Variants in EYS observed in about 807,000 individuals in gnomAD.
EYS encodes the protein EGF-like photoreceptor maintenance factor, also known as protein eyes shut homolog.
Under a neutral mutation model 282.1 loss-of-function variants are expected in EYS, and 250 were observed. The ratio of observed to expected loss-of-function variants is 0.89; its 90% CI spans 0.80 to 0.98. The LOEUF (loss-of-function observed/expected upper bound fraction) is 0.98. Ranked by LOEUF, EYS falls within the 50% of genes least tolerant of loss-of-function variation. EYS has a pLI of 0.00. For synonymous variants in EYS, 1,355 were observed against 1,282.9 expected (o/e 1.06, Z -1.20); for missense variants, 4,016 against 3,709.0 (o/e 1.08, Z -2.15).
chr6:65,295,075 T>A (rs2150285698), intron 12 of EYS, among the ~76,000 whole-genome samples: 1 of 152,036 alleles, frequency 6.6e-6, no homozygotes, highest in East Asian at 1.9e-4. Flanking sequence ...ATTTTTCATG[T>A]TACGATGAAA....
chr6:64,938,539 C>T (rs1321364398), intron 15 of EYS, among the ~76,000 whole-genome samples: 1 of 151,580 alleles, frequency 6.6e-6, no homozygotes, highest in Non-Finnish European at 1.5e-5. Context: ...CTTGTCTTTA[C>T]AATGGGATAA....
In EYS at chr6:63,913,545, C is replaced by G. The variant is rs915996394; in HGVS notation, c.7056-49187G>C. Reference sequence around the variant, plus strand: ...GCAACTACTCATCTATTTTCTGTCTCTATAGATTTGTCTAATTTGAAAATG... The same window carrying G: ...GCAACTACTCATCTATTTTCTGTCTGTATAGATTTGTCTAATTTGAAAATG... On this transcript the variant is annotated intron_variant, in intron 35 of 42. Coordinates refer to ENST00000503581, the MANE Select transcript of EYS (RefSeq NM_001142800.2). Among the ~76,000 whole-genome samples, 11 of 152,168 alleles carry G rather than the reference C, an allele frequency of 7.2e-5. No individual in the cohort carries two copies. The East Asian group carries it at 2.1e-3, about 29-fold the overall frequency.
chr6:65,591,576 C>A (rs970466855), intron 2 of EYS, among the ~76,000 whole-genome samples: 1 of 152,034 alleles, frequency 6.6e-6, no homozygotes, highest in African/African-American at 2.4e-5. Flanking sequence ...CTCTGACTCA[C>A]TTTTTGAAGC....
intron 1 of EYS, among the ~76,000 whole-genome samples, chr6:65,645,417 A>C (rs1188377383): frequency 6.6e-6 from 1 of 152,140 alleles, no homozygotes; most frequent in East Asian, 1.9e-4. Context: ...AAATTAAATA[A>C]ACTGTTCCTG....
chr6:64,515,690 T>C (rs1213099312), intron 26 of EYS, among the ~76,000 whole-genome samples: 1 of 151,630 alleles, frequency 6.6e-6, no homozygotes, highest in Non-Finnish European at 1.5e-5. Context: ...ACAAAATCTT[T>C]AGGCAATGCT....
chr6:65,113,781 T>C (rs1427012079), intron 12 of EYS, among the ~76,000 whole-genome samples: 1 of 152,068 alleles, frequency 6.6e-6, no homozygotes. Context: ...AATTTTTTCC[T>C]GTAAGTAGCT....
intron 8 of EYS, among the ~76,000 whole-genome samples, chr6:65,356,657 T>C (rs1355235107): frequency 3.9e-5 from 6 of 152,084 alleles, no homozygotes; most frequent in Non-Finnish European, 5.9e-5. Flanking sequence ...TATGAAGATA[T>C]TATAACTTTA....
intron 22 of EYS, among the ~76,000 whole-genome samples, chr6:64,636,128 C>G (rs899537800): frequency 6.6e-6 from 1 of 152,138 alleles, no homozygotes; most frequent in African/African-American, 2.4e-5. Context: ...GCCTGCATCA[C>G]CAAGTCAATC....
chr6:65,379,587 G>T (rs1005071957), intron 8 of EYS, among the ~76,000 whole-genome samples: 27 of 151,826 alleles, frequency 1.8e-4, no homozygotes, highest in Non-Finnish European at 2.4e-4. Flanking sequence ...CACCACTCCT[G>T]TTCAACATAA....
intron 8 of EYS, among the ~76,000 whole-genome samples, chr6:65,382,123 A>T (rs1419596572): frequency 1.3e-5 from 2 of 151,368 alleles, no homozygotes; most frequent in Non-Finnish European, 2.9e-5. Flanking sequence ...AAGTTTTTAA[A>T]CTTAATTAAG....
In EYS at chr6:64,353,535, A is replaced by G. The variant is rs554010561; in HGVS notation, c.6078+35155T>C. ...TTAGGAAAATCTCAAAAGCAAACAA[A>G]TTTTTCCCTCTGGGTTTGTTGATGA... On this transcript the variant is annotated intron_variant, in intron 29 of 42. Transcript: ENST00000503581. 2.6e-5 allele frequency among the ~76,000 whole-genome samples: 4 copies of G among 151,442 alleles called. No individual in the cohort carries two copies. The East Asian group carries it at 7.9e-4, about 30-fold the overall frequency.
chr6:65,686,021 C>T (rs1210406093), intron 1 of EYS, among the ~76,000 whole-genome samples: 1 of 152,030 alleles, frequency 6.6e-6, no homozygotes, highest in Non-Finnish European at 1.5e-5. Flanking sequence ...TTATTTCGAG[C>T]TCTTCCTCAA....
At chr6:64,522,845 G>A (rs1358097062) in intron 26 of EYS, among the ~76,000 whole-genome samples, 2 of 151,800 alleles carry the variant, frequency 1.3e-5, no homozygotes, top group African/African-American at 2.4e-5. Context: ...TGAATGCCAA[G>A]TTCTCCAGGT....
Position 65,332,253 on chromosome 6 carries a change from GC to G in EYS, c.1766+2726del, listed in dbSNP as rs1324969136. ...TTTTTTTCTCCATCTACATTATCAT[GC>G]ATTTTCTTCTTTATTTATTCTATTG... On this transcript the variant is annotated intron_variant, in intron 11 of 42. Transcript: ENST00000503581. 3 of 639,884 alleles carry G rather than the reference GC, an allele frequency of 4.7e-6. No homozygotes were observed. The Admixed American group carries it at 6.9e-5, about 15-fold the overall frequency. 39.6% of individuals were successfully genotyped at this position (639,884 alleles called of 1,614,324 possible).
At chr6:63,844,812 C>A (rs1167694260) in intron 36 of EYS, among the ~76,000 whole-genome samples, 1 of 152,024 alleles carries the variant, frequency 6.6e-6, no homozygotes, top group African/African-American at 2.4e-5. Flanking sequence ...TGTAGGTTGC[C>A]TGTTCACTCT....
chr6:64,797,426 G>C (rs76643324), intron 22 of EYS, among the ~76,000 whole-genome samples: 13 of 151,954 alleles, frequency 8.6e-5, no homozygotes, highest in Non-Finnish European at 1.3e-4. Context: ...GGACCCATAC[G>C]TTTGAAATTA....
intron 5 of EYS, among the ~76,000 whole-genome samples, chr6:65,453,171 C>G (rs1764470389): frequency 6.6e-6 from 1 of 151,964 alleles, no homozygotes; most frequent in South Asian, 2.1e-4. Flanking sequence ...CATATACAAA[C>G]ATAGCGTGTA....
Position 64,388,770 on chromosome 6 carries a change from T to G in EYS, c.5998A>C (p.Asn2000His), listed in dbSNP as rs944323819. Residue 2000 changes from asparagine (N) to histidine (H), a missense_variant, in exon 29 of 43, where the codon AAT becomes CAT. Physicochemically the swap from Asn to His is moderately conservative, Grantham distance 68. Transcript: ENST00000503581. ...GGCAGGGGTTTTCCGAGTACATGAT[T>G]GATAGATTCGCATATTTGTGTATTC... is the stretch of plus-strand genomic sequence containing the variant. ...GRNTQICESI[N>H]HVLGKPLPKS... 3.2e-6 allele frequency: 5 copies of G among 1,545,132 alleles called. No individual in the cohort carries two copies. Among genetic ancestry groups the G allele is most frequent in the Non-Finnish European group, 4.4e-6 (5 of 1,143,808 alleles).
intron 19 of EYS, among the ~76,000 whole-genome samples, chr6:64,869,326 A>AAAC (rs1766520127): frequency 6.6e-6 from 1 of 151,618 alleles, no homozygotes; most frequent in African/African-American, 2.4e-5. Flanking sequence ...TGTTTTCAAC[A>AAAC]AACATGTTTT....
Sources: allele counts gnomAD v4.1 joint callset (sites outside exome capture counted in the v4.1 genomes callset), GRCh38; gene constraint gnomAD v4.1.1; transcripts MANE v1.5; gene names NCBI Gene and HGNC (gene_info 2026-07-23, HGNC 2026-07-21).